Variants in ZFHX3 observed in about 807,000 individuals in gnomAD.
The protein encoded by ZFHX3 is zinc finger homeobox protein 3.
In ZFHX3, 42 loss-of-function variants were observed where a neutral mutation model predicts 279.1. The ratio of observed to expected loss-of-function variants is 0.15; its 90% CI spans 0.12 to 0.19. The LOEUF (loss-of-function observed/expected upper bound fraction) is 0.19, where lower values mean the gene tolerates loss of function less well. Among genes scored for constraint, ZFHX3 ranks in the 10% least tolerant of loss-of-function variants. The pLI is 1.00. For synonymous variants in ZFHX3, 2,293 were observed against 1,957.8 expected (o/e 1.17, Z -4.52); for missense variants, 4,981 against 4,754.0 (o/e 1.05, Z -1.40).
At chr16:73,833,013 A>G (rs1489383823) in intron 1 of ZFHX3, among the ~76,000 whole-genome samples, 1 of 152,246 alleles carries the variant, frequency 6.6e-6, no homozygotes, top group African/African-American at 2.4e-5. Context: ...AACAGAAGTC[A>G]TCCTGCCCAA....
At position 72,787,044 on chromosome 16, in the gene ZFHX3, T is replaced by C. The variant is rs1294638798; in HGVS notation, c.*120A>G. The C allele has an allele frequency of 1.2e-5, 12 of 999,086 alleles. No homozygotes were observed. Among genetic ancestry groups the C allele is most frequent in the South Asian group, 4.6e-5 (1 of 21,736 alleles). The allele number at this position is 999,086 out of a possible 1,614,324, so 61.9% of individuals were successfully genotyped here. ...CCACGCTTTTTCTTTTTTTTCTTTT[T>C]TTTTTTTTTTTTGTTTTTTGGTTAG... On this transcript the variant is annotated 3_prime_UTR_variant, in exon 10 of 10. Coordinates refer to ENST00000268489, the MANE Select transcript of ZFHX3 (RefSeq NM_006885.4).
chr16:73,058,330 C>A (rs1434681798), intron 1 of ZFHX3, among the ~76,000 whole-genome samples: 1 of 145,786 alleles, frequency 6.9e-6, no homozygotes, highest in African/African-American at 2.5e-5. Flanking sequence ...CGGGACGCAG[C>A]GAGCGAGCAG....
intron 4 of ZFHX3, among the ~76,000 whole-genome samples, chr16:72,880,389 G>A (rs1293377486): frequency 2.0e-5 from 3 of 152,102 alleles, no homozygotes; most frequent in African/African-American, 7.2e-5. Context: ...GTTAACGTGA[G>A]GCCTTTAGGG....
chr16:73,081,166 C>T (rs533961825), intron 8 of ZFHX3: 2 of 152,376 alleles, frequency 1.3e-5, no homozygotes, highest in South Asian at 4.1e-4. Flanking sequence ...GAAATCTCCT[C>T]CACATTGATA....
intron 3 of ZFHX3, among the ~76,000 whole-genome samples, chr16:73,424,891 A>G (rs2017785030): frequency 6.6e-6 from 1 of 152,128 alleles, no homozygotes; most frequent in Non-Finnish European, 1.5e-5. Flanking sequence ...GTTATTCTAT[A>G]GAAATCTCCC....
At chr16:73,800,072 T>C (rs963427307) in intron 1 of ZFHX3, among the ~76,000 whole-genome samples, 23 of 152,280 alleles carry the variant, frequency 1.5e-4, no homozygotes, top group Middle Eastern at 3.4e-3. Context: ...TTAATAATTA[T>C]TTAATAATTG....
rs548947555 is a variant in ZFHX3, at chr16:73,867,337, A to T, written c.-1608+24314T>A. On this transcript the variant is annotated intron_variant, in intron 1 of 17. Coordinates refer to the ZFHX3 transcript ENST00000641206. ...TGGCCCAAGTAAGTGGGGTACAGCC[A>T]GATCCTGAGCTGGGTTCTGCTTCAC... Among the ~76,000 whole-genome samples the T allele has an allele frequency of 7.2e-5, 11 of 152,320 alleles. No homozygotes were observed. The East Asian group carries it at 2.1e-3, about 29-fold the overall frequency.
At chr16:73,064,281 C>T (rs1388763509), upstream of ZFHX3, among the ~76,000 whole-genome samples, 1 of 152,010 alleles carries the variant, frequency 6.6e-6, no homozygotes, top group East Asian at 1.9e-4. Context: ...GCGACGCCCT[C>T]CCCTGACTCT....
chr16:73,021,589 G>A (rs1272079806), intron 1 of ZFHX3, among the ~76,000 whole-genome samples: 1 of 151,778 alleles, frequency 6.6e-6, no homozygotes, highest in Non-Finnish European at 1.5e-5. Context: ...CCATCACTTT[G>A]GGAGGCTGAG....
intron 5 of ZFHX3, among the ~76,000 whole-genome samples, chr16:73,214,357 T>A (rs2012122539): frequency 6.6e-6 from 1 of 152,148 alleles, no homozygotes; most frequent in Admixed American, 6.5e-5. Context: ...TGCCCTGTAT[T>A]TCCAGCCCTA....
chr16:73,334,606 G>C (rs948780419), intron 3 of ZFHX3, among the ~76,000 whole-genome samples: 38 of 152,050 alleles, frequency 2.5e-4, no homozygotes, highest in African/African-American at 8.2e-4. Flanking sequence ...CGTCAGCCGA[G>C]TGGCCACTCG....
intron 1 of ZFHX3, among the ~76,000 whole-genome samples, chr16:73,872,451 T>TC (rs2029864661): frequency 6.6e-6 from 1 of 151,902 alleles, no homozygotes; most frequent in Non-Finnish European, 1.5e-5. Context: ...GCCAGGCTGG[T>TC]CTTGAACTCC....
intron 1 of ZFHX3, chr16:73,014,518 C>CTTCTTTTTTTTTT (rs1964028587): frequency 1.1e-4 from 7 of 63,366 alleles, no homozygotes; most frequent in African/African-American, 4.4e-4. Context: ...ATTTCTTCTT[C>CTTCTTTTTTTTTT]TTTTTTTTTT....
chr16:73,306,892 G>C (rs1227722834), intron 4 of ZFHX3, among the ~76,000 whole-genome samples: 1 of 152,178 alleles, frequency 6.6e-6, no homozygotes, highest in Non-Finnish European at 1.5e-5. Context: ...TCCCAGCTTA[G>C]ACATTACTGA....
chr16:73,178,777 T>C (rs564999439), intron 5 of ZFHX3, among the ~76,000 whole-genome samples: 1 of 152,300 alleles, frequency 6.6e-6, no homozygotes, highest in Admixed American at 6.5e-5. Flanking sequence ...CACAGAAGCA[T>C]GGCAGAAGCA....
intron 4 of ZFHX3, among the ~76,000 whole-genome samples, chr16:73,299,356 C>T (rs759030832): frequency 2.3e-4 from 35 of 152,250 alleles, no homozygotes; most frequent in South Asian, 6.2e-4. Context: ...TCTCTATCCC[C>T]AGCCACCTCC....
At chr16:73,509,685 C>T (rs1160714418) in intron 2 of ZFHX3, among the ~76,000 whole-genome samples, 11 of 142,754 alleles carry the variant, frequency 7.7e-5, no homozygotes, top group South Asian at 4.5e-4. Context: ...CCACCATGCC[C>T]GGCTGATTTT....
intron 1 of ZFHX3, among the ~76,000 whole-genome samples, chr16:73,682,894 G>C (rs1373898106): frequency 2.4e-5 from 1 of 41,046 alleles, no homozygotes; most frequent in Non-Finnish European, 4.5e-5. Context: ...AAGAAAGAAA[G>C]AAAGAAAGAA....
intron 3 of ZFHX3, among the ~76,000 whole-genome samples, chr16:73,369,556 A>C (rs1362616981): frequency 1.3e-5 from 2 of 152,190 alleles, no homozygotes; most frequent in Non-Finnish European, 2.9e-5. Flanking sequence ...CCTGCCTCAC[A>C]GGTTATAGGA....
Sources: allele counts gnomAD v4.1 joint callset (sites outside exome capture counted in the v4.1 genomes callset), GRCh38; gene constraint gnomAD v4.1.1; transcripts MANE v1.5; gene names NCBI Gene and HGNC (gene_info 2026-07-23, HGNC 2026-07-21).